TBC1D22A: variants seen among roughly 807,000 people sequenced by gnomAD.
TBC1D22A encodes putative GTPase activator.
Under a neutral mutation model 60.2 loss-of-function variants are expected in TBC1D22A, and 38 were observed. That is an observed-to-expected ratio of 0.63 (90% CI 0.49 to 0.83). The LOEUF (loss-of-function observed/expected upper bound fraction) is 0.83, where lower values mean the gene tolerates loss of function less well. Among genes scored for constraint, TBC1D22A ranks in the 40% least tolerant of loss-of-function variants. The pLI, the probability that TBC1D22A is intolerant of heterozygous loss-of-function variation, is 0.00. For synonymous variants in TBC1D22A, 302 were observed against 281.7 expected (o/e 1.07, Z -0.72); for missense variants, 628 against 701.0 (o/e 0.90, Z 1.18).
chr22:46,980,439 C>A (rs2074470609), intron 9 of TBC1D22A, among the ~76,000 whole-genome samples: 2 of 152,204 alleles, frequency 1.3e-5, no homozygotes, highest in Admixed American at 1.3e-4. Context: ...CCTTGGCCTC[C>A]CAAAGTGCTG....
intron 8 of TBC1D22A, among the ~76,000 whole-genome samples, chr22:46,935,122 C>T (rs1453498628): frequency 6.6e-6 from 1 of 152,048 alleles, no homozygotes; most frequent in Non-Finnish European, 1.5e-5. Context: ...TGATATGACT[C>T]CCCAAGCAAT....
intron 12 of TBC1D22A, among the ~76,000 whole-genome samples, chr22:47,128,766 A>T (rs2066582981): frequency 6.6e-6 from 1 of 152,140 alleles, no homozygotes; most frequent in Non-Finnish European, 1.5e-5. Flanking sequence ...ACGGACAGTC[A>T]CGTGGACTCC....
At chr22:47,059,343 A>G (rs2063496704) in intron 11 of TBC1D22A, among the ~76,000 whole-genome samples, 1 of 152,240 alleles carries the variant, frequency 6.6e-6, no homozygotes, top group Non-Finnish European at 1.5e-5. Context: ...GAAGGTGCAG[A>G]CAGGAGGGCG....
chr22:46,871,986 A>G (rs2147437555), intron 4 of TBC1D22A, among the ~76,000 whole-genome samples: 1 of 152,284 alleles, frequency 6.6e-6, no homozygotes, highest in Non-Finnish European at 1.5e-5. Context: ...AGACATCACT[A>G]CAGATCCTAC....
intron 10 of TBC1D22A, among the ~76,000 whole-genome samples, chr22:47,019,240 G>A (rs965546557): frequency 6.6e-6 from 1 of 152,228 alleles, no homozygotes; most frequent in Non-Finnish European, 1.5e-5. Flanking sequence ...ACCTGCTCGT[G>A]CCTCCTACTC....
At chr22:46,981,803 CAGT>C (rs1054933673) in intron 9 of TBC1D22A, among the ~76,000 whole-genome samples, 4 of 152,318 alleles carry the variant, frequency 2.6e-5, no homozygotes, top group Admixed American at 6.5e-5. Context: ...TGGACTAATA[CAGT>C]AGATCGAGCA....
intron 11 of TBC1D22A, among the ~76,000 whole-genome samples, chr22:47,095,065 T>C (rs917196297): frequency 1.3e-5 from 2 of 152,286 alleles, no homozygotes; most frequent in South Asian, 4.1e-4. Context: ...TGTACAGCTC[T>C]TACTACAGCC....
At chr22:47,068,107 G>A (rs2076093501) in intron 11 of TBC1D22A, among the ~76,000 whole-genome samples, 1 of 152,256 alleles carries the variant, frequency 6.6e-6, no homozygotes, top group South Asian at 2.1e-4. Context: ...CTGGCCACGG[G>A]CAGTGTCTAG....
rs149214015 is a variant in TBC1D22A, at chr22:46,877,581, C to T, written c.638-1072C>T. Among the ~76,000 whole-genome samples the T allele has an allele frequency of 4.4e-4, 67 of 152,240 alleles. 1 individual carries two copies. Among genetic ancestry groups the T allele is most frequent in the Middle Eastern group, 6.8e-3 (2 of 294 alleles). On this transcript the variant is annotated intron_variant, in intron 4 of 12. Coordinates refer to ENST00000337137, the MANE Select transcript of TBC1D22A (RefSeq NM_014346.5). Reference sequence around the variant, plus strand: ...TGCTGTAAAATGCAAGTTATTGCTGCGACTATCGCCCAATTATTCTGTACT... The same window carrying T: ...TGCTGTAAAATGCAAGTTATTGCTGTGACTATCGCCCAATTATTCTGTACT...
rs562044245 is a variant in TBC1D22A at position 46,844,306 on chromosome 22, C to T, written c.638-34347C>T. On this transcript the variant is annotated intron_variant, in intron 4 of 12. Transcript: ENST00000337137. Reference sequence around the variant, plus strand: ...GTGTAGACCGTGAACTATTCCACTGCGTGCTGCTTCCTTCTCTTCTTACTC... The same window carrying T: ...GTGTAGACCGTGAACTATTCCACTGTGTGCTGCTTCCTTCTCTTCTTACTC... 3.0e-4 allele frequency among the ~76,000 whole-genome samples: 46 copies of T among 152,184 alleles called. 1 individual carries two copies. In the East Asian group the frequency reaches 6.2e-3, roughly 20 times the overall value.
chr22:47,045,261 C>T lies in TBC1D22A; in HGVS notation c.1329+8063C>T, dbSNP rs114400167. ...ACGCGGCTGTGTGTTCACTGTCCCT[C>T]GGACTCTGCGGGAAAACGTGATGCA... On this transcript the variant is annotated intron_variant, in intron 11 of 12. Coordinates refer to ENST00000337137, the MANE Select transcript of TBC1D22A (RefSeq NM_014346.5). 3.8e-3 allele frequency among the ~76,000 whole-genome samples: 581 copies of T among 152,328 alleles called. 3 individuals carry two copies. The highest frequency in any genetic ancestry group is 0.013 in the African/African-American group (543 of 41,564).
chr22:47,160,569 G>A (rs754768896), intron 12 of TBC1D22A, among the ~76,000 whole-genome samples: 2 of 152,190 alleles, frequency 1.3e-5, no homozygotes, highest in African/African-American at 4.8e-5. Flanking sequence ...CCCCAGCCCC[G>A]TCCTCTCTAC....
intron 8 of TBC1D22A, among the ~76,000 whole-genome samples, chr22:46,945,226 TAGGC>T (rs1292535764): frequency 6.6e-6 from 1 of 152,204 alleles, no homozygotes; most frequent in African/African-American, 2.4e-5. Context: ...TCTTTGCTCT[TAGGC>T]AGTTTAAATT....
At chr22:46,877,591 C>G (rs2067627193) in intron 4 of TBC1D22A, among the ~76,000 whole-genome samples, 1 of 151,958 alleles carries the variant, frequency 6.6e-6, no homozygotes, top group African/African-American at 2.4e-5. Flanking sequence ...CGACTATCGC[C>G]CAATTATTCT....
At chr22:46,860,539 T>C (rs4823884) in intron 4 of TBC1D22A, among the ~76,000 whole-genome samples, 35,129 of 92,282 alleles carry the variant, frequency 0.38, 6,550 homozygotes, top group African/African-American at 0.46. Context: ...TGCCCCTTCC[T>C]GGGACCAGAA....
chr22:46,808,374 TA>T (rs1021373247), intron 4 of TBC1D22A, among the ~76,000 whole-genome samples: 12 of 147,696 alleles, frequency 8.1e-5, no homozygotes, highest in Admixed American at 2.0e-4. Context: ...TAAAAAAAAA[TA>T]AAAAAATAAA....
In TBC1D22A at chr22:47,173,886, C is replaced by G; in HGVS notation, c.*260C>G. On this transcript the variant is annotated 3_prime_UTR_variant, in exon 13 of 13. Coordinates refer to ENST00000337137, the MANE Select transcript of TBC1D22A (RefSeq NM_014346.5). ...GCGGCCAGAGGCAGGTCAGGGGTCC[C>G]CTCTCCCTCTCCCTGCAATGTCCTT... 2.4e-6 allele frequency: 1 copy of G among 424,314 alleles called. No homozygotes were observed. The allele number at this position is 424,314 out of a possible 1,614,324, so 26.3% of individuals were successfully genotyped here.
chr22:47,044,875 G>T lies in TBC1D22A; in HGVS notation c.1329+7677G>T, dbSNP rs534403229. The stretch of plus-strand genomic sequence containing the variant: ...CTTGCTTTCTTCATGTATCAATCAT[G>T]TTGCTTTTTATTGGGGCTCGAGAAC... On this transcript the variant is annotated intron_variant, in intron 11 of 12. Coordinates refer to ENST00000337137, the MANE Select transcript of TBC1D22A (RefSeq NM_014346.5). 2.5e-4 allele frequency among the ~76,000 whole-genome samples: 38 copies of T among 152,336 alleles called. No homozygotes were observed. In the East Asian group the frequency reaches 2.9e-3, roughly 12 times the overall value.
intron 2 of TBC1D22A, among the ~76,000 whole-genome samples, chr22:46,792,977 A>G (rs1555892735): frequency 6.6e-6 from 1 of 152,232 alleles, no homozygotes; most frequent in Non-Finnish European, 1.5e-5. Context: ...GGGAGCGCAG[A>G]GTGTGGGGCT....
Sources: allele counts gnomAD v4.1 joint callset (sites outside exome capture counted in the v4.1 genomes callset), GRCh38; gene constraint gnomAD v4.1.1; transcripts MANE v1.5; gene names NCBI Gene and HGNC (gene_info 2026-07-23, HGNC 2026-07-21).